GRAMD1C: variants seen among roughly 807,000 people sequenced by gnomAD.
The protein encoded by GRAMD1C is protein Aster-C.
Under a neutral mutation model 97.8 loss-of-function variants are expected in GRAMD1C, and 89 were observed. The ratio of observed to expected loss-of-function variants is 0.91; its 90% CI spans 0.77 to 1.09. The LOEUF is 1.09. Among genes scored for constraint, GRAMD1C ranks in the 50% least tolerant of loss-of-function variants. The probability of loss-of-function intolerance (pLI) is 0.00; values close to 1 mark genes in which losing one functional copy is unlikely to be tolerated. For synonymous variants in GRAMD1C, 256 were observed against 267.0 expected, an observed-to-expected ratio of 0.96 and a Z score of 0.40; for missense variants, 740 against 766.4, an observed-to-expected ratio of 0.97 and a Z score of 0.41.
chr3:113,904,110 T>G, intron 7 of GRAMD1C, 30 bp from the exon 8 acceptor site: 1 of 1,582,546 alleles, frequency 6.3e-7, no homozygotes, highest in Non-Finnish European at 8.7e-7. Context: ...GAGGTGACCT[T>G]ATATTTCTAT....
chr3:113,914,505 C>T (rs529087491), intron 9 of GRAMD1C, among the ~76,000 whole-genome samples: 1 of 152,292 alleles, frequency 6.6e-6, no homozygotes, highest in East Asian at 1.9e-4. Flanking sequence ...TTACCCAGAT[C>T]ATTCTTAGAG....
At chr3:113,855,547 T>TA (rs1327233208) in intron 2 of GRAMD1C, among the ~76,000 whole-genome samples, 5 of 147,392 alleles carry the variant, frequency 3.4e-5, no homozygotes, top group African/African-American at 5.0e-5. Context: ...CTAATAAAAA[T>TA]AAAAAAAATA....
intron 6 of GRAMD1C, among the ~76,000 whole-genome samples, chr3:113,895,506 T>C (rs576775981): frequency 6.6e-6 from 1 of 152,264 alleles, no homozygotes; most frequent in Non-Finnish European, 1.5e-5. Flanking sequence ...TGCGCAACAT[T>C]ATCAAATCCC....
Position 113,857,611 on chromosome 3 carries a change from C to T in GRAMD1C, c.175-11896C>T, listed in dbSNP as rs574529498. ...CAGGATGGTCTCGATCGCCTGACCT[C>T]GTGATCCTCCCACCTTGGCCTCCCA... On this transcript the variant is annotated intron_variant, in intron 2 of 17. Transcript: ENST00000358160. Among the ~76,000 whole-genome samples, 6 of 152,126 alleles carry T rather than the reference C, an allele frequency of 3.9e-5. No homozygotes were observed. The East Asian group carries it at 1.2e-3, about 29-fold the overall frequency.
Position 113,923,435 on chromosome 3 carries a change from A to G in GRAMD1C, c.1091-7279A>G, listed in dbSNP as rs147025896. On this transcript the variant is annotated intron_variant, in intron 10 of 17. Transcript: ENST00000358160. The stretch of plus-strand genomic sequence containing the variant: ...TAGGTGACTCTTATTATTTTGAGGT[A>G]TGTTCCTTCAGTGCCTGGTTTGTTG... Among the ~76,000 whole-genome samples, 92 of 152,230 alleles carry G rather than the reference A, an allele frequency of 6.0e-4. No individual in the cohort carries two copies. In the East Asian group the frequency reaches 0.014, roughly 22 times the overall value.
At chr3:113,840,268 C>A (rs1709749575) in intron 1 of GRAMD1C, among the ~76,000 whole-genome samples, 1 of 152,040 alleles carries the variant, frequency 6.6e-6, no homozygotes, top group Non-Finnish European at 1.5e-5. Context: ...CGCGCCCGGC[C>A]CTGAAAAAGT....
At chr3:113,843,419 C>T (rs895547720) in intron 1 of GRAMD1C, among the ~76,000 whole-genome samples, 1 of 137,830 alleles carries the variant, frequency 7.3e-6, no homozygotes. Context: ...TCCCCTATTC[C>T]ATATTTGCTT....
intron 1 of GRAMD1C, among the ~76,000 whole-genome samples, chr3:113,833,126 T>TGTGTG (rs1559769409): frequency 1.1e-4 from 17 of 149,668 alleles, no homozygotes; most frequent in African/African-American, 3.7e-4. Flanking sequence ...CTTTCTTTTT[T>TGTGTG]TTTTTTTTTG....
chr3:113,920,314 A>G (rs1409776196), intron 10 of GRAMD1C: 2 of 417,264 alleles, frequency 4.8e-6, no homozygotes, highest in Admixed American at 8.4e-5. Flanking sequence ...AACTCCATAT[A>G]TATTAGTCTT....
At chr3:113,833,501 A>G (rs1015152485) in intron 1 of GRAMD1C, among the ~76,000 whole-genome samples, 2 of 151,964 alleles carry the variant, frequency 1.3e-5, no homozygotes, top group Non-Finnish European at 2.9e-5. Flanking sequence ...ACACCTGCCC[A>G]AGGCAGGTGT....
chr3:113,944,446 A>G (rs1937968487), intron 17 of GRAMD1C, among the ~76,000 whole-genome samples: 1 of 152,184 alleles, frequency 6.6e-6, no homozygotes. Context: ...CCTGAGCTCT[A>G]GACTCATACA....
intron 6 of GRAMD1C, chr3:113,897,838 A>T (rs1382691962): frequency 7.8e-6 from 6 of 766,662 alleles, no homozygotes; most frequent in Non-Finnish European, 7.9e-6. Flanking sequence ...TGTGTTTAAA[A>T]TTTAGGTTGT....
intron 8 of GRAMD1C, among the ~76,000 whole-genome samples, chr3:113,908,663 C>T (rs1351479238): frequency 6.6e-6 from 1 of 152,068 alleles, no homozygotes; most frequent in Non-Finnish European, 1.5e-5. Context: ...GTCCTTTGTC[C>T]CCTTTCCCTT....
At chr3:113,942,778 T>A (rs1937868052) in intron 17 of GRAMD1C, among the ~76,000 whole-genome samples, 1 of 152,134 alleles carries the variant, frequency 6.6e-6, no homozygotes, top group Non-Finnish European at 1.5e-5. Flanking sequence ...TCTGCCTAGG[T>A]AGTAGGAAAG....
intron 2 of GRAMD1C, among the ~76,000 whole-genome samples, chr3:113,868,074 T>G (rs946412472): frequency 1.3e-5 from 2 of 152,208 alleles, no homozygotes; most frequent in Admixed American, 1.3e-4. Context: ...TGAGACCCTC[T>G]AGTGAATTTT....
At chr3:113,942,714 C>T (rs1937863888) in intron 17 of GRAMD1C, among the ~76,000 whole-genome samples, 1 of 152,212 alleles carries the variant, frequency 6.6e-6, no homozygotes, top group Non-Finnish European at 1.5e-5. Context: ...TCCCTCAAGC[C>T]AGGCAGCCAG....
chr3:113,901,127 A>G lies in GRAMD1C; in HGVS notation c.637A>G (p.Ile213Val), dbSNP rs567346678. The change falls in exon 7 of 18, where the codon ATT (isoleucine) becomes GTT (valine). Residue 213 changes from isoleucine to valine, a missense_variant. Ile to Val is a conservative substitution (Grantham distance 29). Transcript: ENST00000358160. ...AEEMENLSLSIEDVQPRSPGR... is the reference protein window; with the variant it reads ...AEEMENLSLSVEDVQPRSPGR... ...GGAGATGGAAAACTTGTCACTGTCG[A>G]TTGAGGATGTGCAGCCAAGGTACAG... 4 of 1,586,106 alleles carry G rather than the reference A, an allele frequency of 2.5e-6. No homozygotes were observed. Among genetic ancestry groups the G allele is most frequent in the Admixed American group, 1.7e-5 (1 of 59,896 alleles).
chr3:113,829,287 A>G (rs1709528517), intron 1 of GRAMD1C, among the ~76,000 whole-genome samples: 1 of 151,448 alleles, frequency 6.6e-6, no homozygotes, highest in South Asian at 2.1e-4. Context: ...AACAAACAAA[A>G]CTCCCCAAAA....
intron 9 of GRAMD1C, 32 bp from the exon 10 acceptor site, chr3:113,915,668 CT>C: frequency 6.4e-7 from 1 of 1,573,726 alleles, no homozygotes; most frequent in Non-Finnish European, 8.7e-7. Context: ...TCTTTGATTT[CT>C]TCTCTTTTGG....
Sources: allele counts gnomAD v4.1 joint callset (sites outside exome capture counted in the v4.1 genomes callset), GRCh38; gene constraint gnomAD v4.1.1; transcripts MANE v1.5; gene names NCBI Gene and HGNC (gene_info 2026-07-23, HGNC 2026-07-21).